GALNT13: variants seen among roughly 807,000 people sequenced by gnomAD.
GALNT13 encodes polypeptide N-acetylgalactosaminyltransferase 13.
A neutral mutation model predicts 64.2 loss-of-function variants in GALNT13; 28 were observed. The observed-to-expected ratio is 0.44, with a 90% confidence interval of 0.32 to 0.60. The LOEUF (loss-of-function observed/expected upper bound fraction) is 0.60. Among genes scored for constraint, GALNT13 ranks in the 20% least tolerant of loss-of-function variants. GALNT13 has a pLI of 0.05. For missense variants in GALNT13, 577 were observed against 669.8 expected (o/e 0.86, Z 1.53); for synonymous variants, 214 against 224.6 (o/e 0.95, Z 0.42).
the GALNT13 span, among the ~76,000 whole-genome samples, chr2:153,238,093 G>A: frequency 1.3e-5 from 2 of 151,992 alleles, no homozygotes; most frequent in African/African-American, 4.8e-5. Flanking sequence ...CAGTGATATT[G>A]AGCAGCTTTT....
At chr2:153,836,661 C>T in the GALNT13 span, among the ~76,000 whole-genome samples, 1 of 139,646 alleles carries the variant, frequency 7.2e-6, no homozygotes, top group South Asian at 2.5e-4. Flanking sequence ...CTCCCCCTCC[C>T]CCCTCCCCAC....
At chr2:153,222,673 T>A in the GALNT13 span, among the ~76,000 whole-genome samples, 1 of 152,050 alleles carries the variant, frequency 6.6e-6, no homozygotes, top group Non-Finnish European at 1.5e-5. Context: ...CTCCCGAGAT[T>A]GTCAGCACCC....
the GALNT13 span, among the ~76,000 whole-genome samples, chr2:153,724,941 C>A: frequency 1.3e-5 from 2 of 151,298 alleles, no homozygotes; most frequent in Non-Finnish European, 3.0e-5. Context: ...TTTGACCCAG[C>A]CATCCCATTA....
At chr2:154,028,331 A>T (rs1209067114) in intron 3 of GALNT13, among the ~76,000 whole-genome samples, 1 of 152,090 alleles carries the variant, frequency 6.6e-6, no homozygotes, top group African/African-American at 2.4e-5. Flanking sequence ...AAGGCCATGA[A>T]TATTATTTTT....
At chr2:154,235,590 G>A (rs1689151331) in intron 4 of GALNT13, among the ~76,000 whole-genome samples, 1 of 152,154 alleles carries the variant, frequency 6.6e-6, no homozygotes, top group Non-Finnish European at 1.5e-5. Context: ...TGCATTGCAA[G>A]TCTTTATTTT....
the GALNT13 span, among the ~76,000 whole-genome samples, chr2:153,266,195 A>G: frequency 1.3e-5 from 2 of 152,226 alleles, no homozygotes; most frequent in African/African-American, 2.4e-5. Context: ...AGTGAAATAC[A>G]TGGCTTTGAC....
chr2:153,299,363 AT>A, the GALNT13 span, among the ~76,000 whole-genome samples: 1 of 152,222 alleles, frequency 6.6e-6, no homozygotes, highest in African/African-American at 2.4e-5. Flanking sequence ...GGGGAATTGA[AT>A]GAAGAAATCA....
chr2:153,916,406 C>G (rs939710396), intron 2 of GALNT13, among the ~76,000 whole-genome samples: 4 of 152,058 alleles, frequency 2.6e-5, no homozygotes, highest in African/African-American at 9.7e-5. Flanking sequence ...ATCCTCCTGC[C>G]TCAGCCTCCC....
intron 8 of GALNT13, among the ~76,000 whole-genome samples, chr2:154,263,477 A>G (rs971129333): frequency 6.6e-6 from 1 of 152,164 alleles, no homozygotes; most frequent in Admixed American, 6.6e-5. Context: ...ACCTTTAATA[A>G]TTTGGCTTTG....
At chr2:153,441,370 G>A in the GALNT13 span, among the ~76,000 whole-genome samples, 1 of 152,176 alleles carries the variant, frequency 6.6e-6, no homozygotes, top group African/African-American at 2.4e-5. Flanking sequence ...ATAGTTTGAA[G>A]TCAGGTAGCC....
chr2:154,132,759 C>T (rs1682695485), intron 3 of GALNT13, among the ~76,000 whole-genome samples: 1 of 151,746 alleles, frequency 6.6e-6, no homozygotes, highest in African/African-American at 2.4e-5. Flanking sequence ...GCTGGGCGTG[C>T]TTGTGCACAC....
chr2:153,681,786 T>TG, the GALNT13 span, among the ~76,000 whole-genome samples: 1 of 151,816 alleles, frequency 6.6e-6, no homozygotes, highest in African/African-American at 2.4e-5. Context: ...CAAATAGTTC[T>TG]GATTTAAAAC....
intron 3 of GALNT13, among the ~76,000 whole-genome samples, chr2:154,092,954 G>C (rs1701891873): frequency 6.6e-6 from 1 of 151,948 alleles, no homozygotes; most frequent in African/African-American, 2.4e-5. Flanking sequence ...TTTCATCCCA[G>C]TGCTTGTTCA....
the GALNT13 span, among the ~76,000 whole-genome samples, chr2:153,591,154 A>G: frequency 1.3e-5 from 2 of 152,104 alleles, no homozygotes; most frequent in Non-Finnish European, 2.9e-5. Context: ...GAAATCAGTC[A>G]TGTTTCTATA....
intron 3 of GALNT13, among the ~76,000 whole-genome samples, chr2:153,955,837 C>G (rs951332975): frequency 3.9e-5 from 6 of 152,162 alleles, no homozygotes; most frequent in African/African-American, 1.2e-4. Context: ...CCGAGAACAT[C>G]CAGCTGACTA....
chr2:153,977,876 C>T (rs1389687544), intron 3 of GALNT13, among the ~76,000 whole-genome samples: 1 of 151,896 alleles, frequency 6.6e-6, no homozygotes, highest in Non-Finnish European at 1.5e-5. Flanking sequence ...TACTCATATC[C>T]ACTACCTATT....
Position 154,298,599 on chromosome 2 carries a change from A to ATATACAATTTATATATAAAT in GALNT13, c.976-2809_976-2808insATACAATTTATATATAAATT, listed in dbSNP as rs1559075622. ...ATTGTATATATAATTTATATATACA[A>ATATACAATTTATATATAAAT]TGTATATATTAATTTATATATACAT... On this transcript the variant is annotated intron_variant, in intron 8 of 12. Coordinates refer to ENST00000392825, the MANE Select transcript of GALNT13 (RefSeq NM_052917.4). 1.4e-4 allele frequency among the ~76,000 whole-genome samples: 4 copies of ATATACAATTTATATATAAAT among 28,358 alleles called. 1 individual carries two copies. The highest frequency in any genetic ancestry group is 1.4e-3 in the South Asian group (1 of 728). The allele number at this position is 28,358 out of a possible 152,430, so 18.6% of individuals were successfully genotyped here.
chr2:153,379,336 G>C, the GALNT13 span, among the ~76,000 whole-genome samples: 1 of 152,056 alleles, frequency 6.6e-6, no homozygotes, highest in South Asian at 2.1e-4. Flanking sequence ...TAGTACTACT[G>C]TGCTTATTTT....
chr2:153,075,273 G>A, the GALNT13 span, among the ~76,000 whole-genome samples: 1 of 152,138 alleles, frequency 6.6e-6, no homozygotes, highest in Admixed American at 6.5e-5. Context: ...AACTGGGTTG[G>A]TCACTGTGTG....
Sources: gnomAD v4.1 joint callset for allele counts (sites outside exome capture counted in the v4.1 genomes callset) on GRCh38, gnomAD v4.1.1 for gene constraint, MANE v1.5 for transcripts, NCBI Gene and HGNC (gene_info 2026-07-23, HGNC 2026-07-21) for gene names.